The following RPAP2 variants were observed in gnomAD, a reference collection of about 807,000 sequenced individuals.
The protein encoded by RPAP2 is putative RNA polymerase II subunit B1 CTD phosphatase RPAP2.
A neutral mutation model predicts 73.1 loss-of-function variants in RPAP2; 52 were observed. That is an observed-to-expected ratio of 0.71 (90% CI 0.57 to 0.90). RPAP2 has a LOEUF of 0.90. RPAP2 is among the 40% of genes least tolerant of loss of function. RPAP2 has a pLI of 0.00. For missense variants in RPAP2, 598 were observed against 701.8 expected, an observed-to-expected ratio of 0.85 and a Z score of 1.67; for synonymous variants, 225 against 242.1, an observed-to-expected ratio of 0.93 and a Z score of 0.65.
intron 12 of RPAP2, among the ~76,000 whole-genome samples, chr1:92,385,625 A>G (rs1655834108): frequency 6.6e-6 from 1 of 152,196 alleles, no homozygotes; most frequent in East Asian, 1.9e-4. Flanking sequence ...CCTTTTGAAG[A>G]TTACTACCTA....
rs529080753 is a variant in RPAP2 at position 92,382,718 on chromosome 1, T to A, written c.1838+1845T>A. On this transcript the variant is annotated intron_variant, in intron 12 of 12. Transcript: ENST00000610020. The stretch of plus-strand genomic sequence containing the variant: ...CAAAAATTTTCTCCCATTCTGTAGG[T>A]TGCCTGTTCACTCTGATGGTAGTTT... Among the ~76,000 whole-genome samples the A allele has an allele frequency of 7.9e-5, 12 of 152,334 alleles. No homozygotes were observed. In the East Asian group the frequency reaches 1.5e-3, roughly 20 times the overall value.
chr1:92,377,249 G>A (rs534427234), intron 11 of RPAP2, among the ~76,000 whole-genome samples: 1 of 152,096 alleles, frequency 6.6e-6, no homozygotes, highest in African/African-American at 2.4e-5. Context: ...GGCCGGGCGC[G>A]GTGGCTCATG....
chr1:92,328,588 C>T (rs1004499093), intron 8 of RPAP2, among the ~76,000 whole-genome samples: 6 of 152,146 alleles, frequency 3.9e-5, no homozygotes, highest in African/African-American at 1.2e-4. Flanking sequence ...TGGGCCTCAC[C>T]TTTCTCTGGT....
At position 92,324,349 on chromosome 1, in the gene RPAP2, AC is replaced by A. The variant is rs760508500; in HGVS notation, c.1431del (p.Thr478ProfsTer15). 4 of 1,613,578 alleles carry A rather than the reference AC, an allele frequency of 2.5e-6. No individual in the cohort carries two copies. The highest frequency in any genetic ancestry group is 3.4e-6 in the Non-Finnish European group (4 of 1,179,738). ...YRGRYVLGEE[T>X]TKSQDSEEHD... ...AGGACGGTATGTTTTGGGTGAAGAA[AC>A]CACCAAATCACAAGACTCAGAAGAG... is the stretch of plus-strand genomic sequence containing the variant. On this transcript the variant is annotated frameshift_variant, in exon 8 of 13. Coordinates refer to ENST00000610020, the MANE Select transcript of RPAP2 (RefSeq NM_024813.3). LOFTEE classifies it high-confidence loss of function.
rs921142986 is a variant in RPAP2, at chr1:92,333,125, T to C, written c.1456-266T>C. ...AGTTTACAAAATCTTTTTGTTTACA[T>C]TTTATTATTTAATAAAGGAGGTATT... is the stretch of plus-strand genomic sequence containing the variant. On this transcript the variant is annotated intron_variant, in intron 8 of 12. Coordinates refer to ENST00000610020, the MANE Select transcript of RPAP2 (RefSeq NM_024813.3). 5 of 371,230 alleles carry C rather than the reference T, an allele frequency of 1.3e-5. No individual in the cohort carries two copies. In the Admixed American group the frequency reaches 1.6e-4, roughly 12 times the overall value. 23.0% of individuals were successfully genotyped at this position (371,230 alleles called of 1,614,324 possible).
intron 6 of RPAP2, among the ~76,000 whole-genome samples, chr1:92,309,277 A>C (rs1204160021): frequency 6.6e-6 from 1 of 152,038 alleles, no homozygotes; most frequent in Non-Finnish European, 1.5e-5. Flanking sequence ...CCCTGTCTCT[A>C]CTAAAAATAC....
intron 1 of RPAP2, 77 bp downstream of exon 1, chr1:92,299,223 G>T: frequency 1.1e-6 from 1 of 908,754 alleles, no homozygotes; most frequent in Non-Finnish European, 1.6e-6. Flanking sequence ...CGCAGCGCGC[G>T]GGCGCTCCTG....
intron 10 of RPAP2, among the ~76,000 whole-genome samples, chr1:92,336,812 T>A (rs1193536605): frequency 6.6e-6 from 1 of 151,918 alleles, no homozygotes; most frequent in Admixed American, 6.6e-5. Context: ...AAGGAAGAAC[T>A]CTCCTCTGTG....
At chr1:92,336,215 G>T (rs1450514175) in intron 9 of RPAP2, 132 bp from the exon 10 acceptor site, 1 of 653,378 alleles carries the variant, frequency 1.5e-6, no homozygotes, top group East Asian at 2.8e-5. Flanking sequence ...CATAACCTAG[G>T]TTAACCTTTA....
At position 92,401,270 on chromosome 1, in the gene RPAP2, C is replaced by T. The variant is rs1453048584; in HGVS notation, c.*14259C>T. 2.6e-5 allele frequency: 4 copies of T among 152,238 alleles called. No homozygotes were observed. The highest frequency in any genetic ancestry group is 5.9e-5 in the Non-Finnish European group (4 of 68,042). 9.4% of individuals were successfully genotyped at this position (152,238 alleles called of 1,614,324 possible). On this transcript the variant is annotated 3_prime_UTR_variant, in exon 13 of 13. Transcript: ENST00000610020. ...GTAAAGATCAATTCAATAAAAGCAGCAAACACACATACTTTGCTTTCCTTG... is the reference window on the plus strand; with the variant it reads ...GTAAAGATCAATTCAATAAAAGCAGTAAACACACATACTTTGCTTTCCTTG...
intron 8 of RPAP2, among the ~76,000 whole-genome samples, chr1:92,324,719 T>G (rs1652524240): frequency 6.6e-6 from 1 of 152,228 alleles, no homozygotes; most frequent in African/African-American, 2.4e-5. Context: ...TTTCAGATTT[T>G]TACATGGGGT....
intron 8 of RPAP2, among the ~76,000 whole-genome samples, chr1:92,328,412 G>A (rs1262878182): frequency 6.6e-6 from 1 of 152,170 alleles, no homozygotes; most frequent in Non-Finnish European, 1.5e-5. Context: ...AAGCTCTGAA[G>A]TTCTTCTACT....
chr1:92,333,501 TG>T (rs751701748), intron 9 of RPAP2, 28 bp downstream of exon 9: 1 of 1,480,116 alleles, frequency 6.8e-7, no homozygotes, highest in South Asian at 1.1e-5. Flanking sequence ...ATTCCAGCTT[TG>T]TAGTAGTTTT....
intron 6 of RPAP2, among the ~76,000 whole-genome samples, chr1:92,320,272 T>G (rs916052975): frequency 6.6e-6 from 1 of 152,006 alleles, no homozygotes; most frequent in Non-Finnish European, 1.5e-5. Context: ...TGTCCTTTAA[T>G]TTTTTTCTTT....
chr1:92,320,550 A>G lies in RPAP2; in HGVS notation c.489-49A>G, dbSNP rs534466790. 868 of 1,561,068 alleles carry G rather than the reference A, an allele frequency of 5.6e-4. 6 individuals carry two copies. The highest frequency in any genetic ancestry group is 1.7e-4 in the Middle Eastern group (1 of 5,922). On this transcript the variant is annotated intron_variant, in intron 6 of 12. Transcript: ENST00000610020. ...CTCCGAAAGTGCTGGGGTTACAGGCATGAGCCACCGCACCCGGCCTAATTT... is the reference window on the plus strand; with the variant it reads ...CTCCGAAAGTGCTGGGGTTACAGGCGTGAGCCACCGCACCCGGCCTAATTT...
At chr1:92,361,142 A>AAC (rs373613454) in intron 11 of RPAP2, among the ~76,000 whole-genome samples, 1,648 of 149,288 alleles carry the variant, frequency 0.011, 35 homozygotes, top group African/African-American at 0.038. Flanking sequence ...CACACACATA[A>AAC]ACACACACAC....
chr1:92,373,123 C>T (rs1269310917), intron 11 of RPAP2, among the ~76,000 whole-genome samples: 1 of 151,970 alleles, frequency 6.6e-6, no homozygotes, highest in Admixed American at 6.6e-5. Context: ...GACAAGCAAA[C>T]AAATAGACAA....
chr1:92,303,871 C>A, intron 3 of RPAP2, 106 bp from the exon 4 acceptor site: 1 of 659,626 alleles, frequency 1.5e-6, no homozygotes, highest in Non-Finnish European at 2.5e-6. Context: ...GAGGAAGGTA[C>A]TATTGCTATC....
Position 92,324,071 on chromosome 1 carries a change from G to T in RPAP2, c.1151G>T (p.Arg384Met), listed in dbSNP as rs1335714777. The change falls in exon 8 of 13, where the codon AGG becomes ATG. Residue 384 changes from arginine to methionine, a missense_variant. By Grantham distance (91) the Arg-to-Met change is moderately conservative (BLOSUM62 -1). Around this residue, in one of 3 missense-constraint regions of RPAP2, gnomAD observed 506 missense variants for 612.8 expected, o/e 0.83. Coordinates refer to ENST00000610020, the MANE Select transcript of RPAP2 (RefSeq NM_024813.3). Reference protein sequence around the residue: ...LIEWKTEETLRFLYGQNYASV... With the variant: ...LIEWKTEETLMFLYGQNYASV... ...GAGTGGAAGACAGAAGAAACATTGA[G>T]GTTTTTGTATGGCCAGAATTATGCT... 6.2e-7 allele frequency: 1 copy of T among 1,613,942 alleles called. No individual in the cohort carries two copies. The highest frequency in any genetic ancestry group is 1.3e-5 in the African/African-American group (1 of 74,906).
Sources: allele counts gnomAD v4.1 joint callset (sites outside exome capture counted in the v4.1 genomes callset), GRCh38; gene constraint gnomAD v4.1.1; regional missense constraint gnomAD v4.1.1; transcripts MANE v1.5; gene names NCBI Gene and HGNC (gene_info 2026-07-23, HGNC 2026-07-21).